The following MAP2K6 variants were observed in gnomAD, a reference collection of about 807,000 sequenced individuals.
The protein encoded by MAP2K6 is dual specificity mitogen-activated protein kinase kinase 6.
MAP2K6 carries 16 observed loss-of-function variants against 53.7 expected under a neutral mutation model. That is an observed-to-expected ratio of 0.30 (90% CI 0.20 to 0.45). The LOEUF (loss-of-function observed/expected upper bound fraction) is 0.45. Ranked by LOEUF, MAP2K6 falls within the 20% of genes least tolerant of loss-of-function variation. The pLI is 1.00. For synonymous variants in MAP2K6, 132 were observed against 143.1 expected (o/e 0.92, Z 0.55); for missense variants, 204 against 411.9 (o/e 0.50, Z 4.37).
chr17:69,463,067 A>G (rs953032410), intron 1 of MAP2K6, among the ~76,000 whole-genome samples: 7 of 150,106 alleles, frequency 4.7e-5, no homozygotes, highest in African/African-American at 1.5e-4. Context: ...TGTATTTGAC[A>G]CTGCTGCCCC....
intron 2 of MAP2K6, among the ~76,000 whole-genome samples, chr17:69,516,529 C>T (rs572047759): frequency 8.3e-4 from 127 of 152,182 alleles, no homozygotes; most frequent in African/African-American, 2.6e-3. Flanking sequence ...ATAGCTCATA[C>T]GAATTAGATA....
chr17:69,520,435 C>G lies in MAP2K6; in HGVS notation c.483+49C>G, dbSNP rs372902231. ...GCAAGGATAATGTGAGAAATAAAGT[C>G]CCTATGTGTCTTTGGACCTCAGTAT... On this transcript the variant is annotated intron_variant, in intron 6 of 11. Coordinates refer to ENST00000590474, the MANE Select transcript of MAP2K6 (RefSeq NM_002758.4). 3.1e-5 allele frequency: 35 copies of G among 1,118,060 alleles called. No homozygotes were observed. The African/African-American group carries it at 5.2e-4, about 16-fold the overall frequency. The allele number at this position is 1,118,060 out of a possible 1,614,324, so 69.3% of individuals were successfully genotyped here. A position where few individuals can be genotyped will look rare whatever the true frequency, so the allele number is the denominator to read the frequency against.
chr17:69,442,198 G>T (rs981249571), intron 1 of MAP2K6, among the ~76,000 whole-genome samples: 2 of 152,086 alleles, frequency 1.3e-5, no homozygotes, highest in Non-Finnish European at 2.9e-5. Context: ...TATTCCTTCT[G>T]TTACCTCGAC....
intron 2 of MAP2K6, among the ~76,000 whole-genome samples, chr17:69,511,492 T>C (rs931990560): frequency 6.6e-6 from 1 of 152,236 alleles, no homozygotes; most frequent in African/African-American, 2.4e-5. Flanking sequence ...GAGCTCTTTC[T>C]TTGAGCTACC....
chr17:69,467,780 T>G (rs1040385630), intron 1 of MAP2K6, among the ~76,000 whole-genome samples: 8 of 144,796 alleles, frequency 5.5e-5, no homozygotes, highest in East Asian at 2.0e-4. Context: ...TAGTTTCGTG[T>G]TTTTTTTTTG....
At chr17:69,457,960 C>G (rs575179717) in intron 1 of MAP2K6, among the ~76,000 whole-genome samples, 1 of 152,290 alleles carries the variant, frequency 6.6e-6, no homozygotes, top group South Asian at 2.1e-4. Flanking sequence ...AATTATGGCC[C>G]ATTACTACCT....
intron 1 of MAP2K6, among the ~76,000 whole-genome samples, chr17:69,428,668 C>T (rs535202310): frequency 3.3e-5 from 5 of 152,136 alleles, no homozygotes; most frequent in African/African-American, 9.6e-5. Context: ...GTATAAGATA[C>T]GAGTAGGATA....
At chr17:69,510,228 C>G (rs1909744683) in intron 2 of MAP2K6, among the ~76,000 whole-genome samples, 2 of 152,110 alleles carry the variant, frequency 1.3e-5, no homozygotes, top group Admixed American at 1.3e-4. Flanking sequence ...GATTTTTCTT[C>G]TTTGATCTGT....
intron 1 of MAP2K6, among the ~76,000 whole-genome samples, chr17:69,431,588 C>A (rs886802082): frequency 3.3e-5 from 5 of 152,288 alleles, no homozygotes; most frequent in Non-Finnish European, 7.3e-5. Flanking sequence ...AGGAGAATTT[C>A]ATGGAGTCCA....
intron 1 of MAP2K6, among the ~76,000 whole-genome samples, chr17:69,466,368 A>C (rs2145176371): frequency 6.6e-6 from 1 of 152,074 alleles, no homozygotes; most frequent in African/African-American, 2.4e-5. Flanking sequence ...CTTGTCCTTT[A>C]TCTTCCCTTC....
At chr17:69,490,288 C>A (rs1006915801) in intron 1 of MAP2K6, among the ~76,000 whole-genome samples, 1 of 152,224 alleles carries the variant, frequency 6.6e-6, no homozygotes, top group Admixed American at 6.5e-5. Flanking sequence ...CTGCTAATAT[C>A]CATTCTTTAT....
chr17:69,482,959 G>T (rs1353169944), intron 1 of MAP2K6, among the ~76,000 whole-genome samples: 1 of 151,666 alleles, frequency 6.6e-6, no homozygotes, highest in Non-Finnish European at 1.5e-5. Flanking sequence ...ATTAGACCAG[G>T]CCCTAATTTA....
chr17:69,499,105 C>T (rs1440996566), intron 1 of MAP2K6, among the ~76,000 whole-genome samples: 1 of 152,176 alleles, frequency 6.6e-6, no homozygotes, highest in African/African-American at 2.4e-5. Flanking sequence ...CCCAGAAATC[C>T]TGAGTCTATA....
chr17:69,506,056 T>C (rs1177303229), intron 2 of MAP2K6, among the ~76,000 whole-genome samples: 1 of 152,234 alleles, frequency 6.6e-6, no homozygotes, highest in African/African-American at 2.4e-5. Flanking sequence ...CTTAAGTTAT[T>C]GGTTGAGTAG....
intron 1 of MAP2K6, among the ~76,000 whole-genome samples, chr17:69,475,151 G>A (rs1336352179): frequency 4.7e-5 from 7 of 148,720 alleles, no homozygotes; most frequent in African/African-American, 1.2e-4. Context: ...TTTAATTTAA[G>A]ATTGAAATCT....
chr17:69,526,165 A>G (rs1054574218), intron 9 of MAP2K6, among the ~76,000 whole-genome samples: 3 of 152,334 alleles, frequency 2.0e-5, no homozygotes, highest in South Asian at 2.1e-4. Flanking sequence ...CATTTCACCA[A>G]GGGACCTGAA....
chr17:69,487,688 T>C (rs529060498), intron 1 of MAP2K6, among the ~76,000 whole-genome samples: 20 of 152,306 alleles, frequency 1.3e-4, no homozygotes, highest in African/African-American at 4.6e-4. Context: ...AGGTCTCTTT[T>C]TCACAGGGTC....
chr17:69,544,767 G>C lies in MAP2K6; in HGVS notation c.*3014G>C, dbSNP rs1400575086. 2.6e-5 allele frequency: 4 copies of C among 152,126 alleles called. No individual in the cohort carries two copies. Among genetic ancestry groups the C allele is most frequent in the African/African-American group, 9.7e-5 (4 of 41,422 alleles). The allele number at this position is 152,126 out of a possible 1,614,324, so 9.4% of individuals were successfully genotyped here. On this transcript the variant is annotated 3_prime_UTR_variant, in exon 12 of 12. Transcript: ENST00000590474. ...ATAACTTTTAAGACTATTACCCTAT[G>C]TTTGTACGTATGAGTGAATATTGCC...
Position 69,544,668 on chromosome 17 carries a change from T to C in MAP2K6, c.*2915T>C, listed in dbSNP as rs1244193520. On this transcript the variant is annotated 3_prime_UTR_variant, in exon 12 of 12. Coordinates refer to ENST00000590474, the MANE Select transcript of MAP2K6 (RefSeq NM_002758.4). ...ATATAATTGTCCATGTTATAATTTTTGAAAATGTTTATTAAAATAGCCATC... is the reference window on the plus strand; with the variant it reads ...ATATAATTGTCCATGTTATAATTTTCGAAAATGTTTATTAAAATAGCCATC... 6.6e-6 allele frequency: 1 copy of C among 152,240 alleles called. No homozygotes were observed. The allele number at this position is 152,240 out of a possible 1,614,324, so 9.4% of individuals were successfully genotyped here.
Sources: gnomAD v4.1 joint callset for allele counts (sites outside exome capture counted in the v4.1 genomes callset) on GRCh38, gnomAD v4.1.1 for gene constraint, MANE v1.5 for transcripts, NCBI Gene and HGNC (gene_info 2026-07-23, HGNC 2026-07-21) for gene names.